GBE1: variants seen among roughly 807,000 people sequenced by gnomAD.
GBE1 encodes the protein 1,4-alpha-glucan-branching enzyme.
A neutral mutation model predicts 88.8 loss-of-function variants in GBE1; 70 were observed. That is an observed-to-expected ratio of 0.79 (90% CI 0.65 to 0.96). GBE1 has a LOEUF of 0.96. Ranked by LOEUF, GBE1 falls within the 40% of genes least tolerant of loss-of-function variation. The pLI is 0.00. For synonymous variants in GBE1, 284 were observed against 300.1 expected (o/e 0.95, Z 0.56); for missense variants, 872 against 871.0 (o/e 1.00, Z -0.01).
At chr3:81,761,116 C>A (rs1053661716) in intron 1 of GBE1, among the ~76,000 whole-genome samples, 1 of 152,220 alleles carries the variant, frequency 6.6e-6, no homozygotes, top group Non-Finnish European at 1.5e-5. Flanking sequence ...GGCGCAAGAC[C>A]GCTGATTAGA....
chr3:81,493,812 G>A (rs1702467952), intron 15 of GBE1, among the ~76,000 whole-genome samples: 1 of 150,742 alleles, frequency 6.6e-6, no homozygotes, highest in South Asian at 2.1e-4. Context: ...ACAGGTGTGA[G>A]CCACCACACC....
chr3:81,540,450 G>T (rs1418046201), intron 12 of GBE1, among the ~76,000 whole-genome samples: 3 of 151,976 alleles, frequency 2.0e-5, no homozygotes, highest in Admixed American at 6.6e-5. Context: ...ACTTATAAGT[G>T]ATGTGAATAT....
At chr3:81,638,110 G>A (rs1319775066) in intron 7 of GBE1, among the ~76,000 whole-genome samples, 2 of 151,996 alleles carry the variant, frequency 1.3e-5, no homozygotes, top group African/African-American at 4.8e-5. Flanking sequence ...ATTATATATA[G>A]TGTCTATCCT....
rs777991801 is a variant in GBE1 at position 81,535,343 on chromosome 3, C to T, written c.1804-18G>A. The T allele has an allele frequency of 6.3e-7, 1 of 1,586,150 alleles. No homozygotes were observed. Among genetic ancestry groups the T allele is most frequent in the Non-Finnish European group, 8.5e-7 (1 of 1,170,128 alleles). On this transcript the variant is annotated intron_variant, in intron 13 of 15. Transcript: ENST00000429644. ...ACGTAGGCCTGCAAGAATTAGCACA[C>T]ATGTTACATTTAAATAATACCTAGA...
intron 1 of GBE1, among the ~76,000 whole-genome samples, chr3:81,721,212 T>TAA (rs1706024567): frequency 1.7e-3 from 123 of 73,020 alleles, no homozygotes; most frequent in African/African-American, 4.3e-3. Flanking sequence ...AAAAAATAAA[T>TAA]AAATAAATAA....
intron 3 of GBE1, among the ~76,000 whole-genome samples, chr3:81,669,904 T>A (rs1011848552): frequency 2.6e-5 from 4 of 152,282 alleles, no homozygotes; most frequent in Non-Finnish European, 5.9e-5. Flanking sequence ...AAAATATTTT[T>A]AACAACCTAC....
At chr3:81,754,879 G>T (rs544549060) in intron 1 of GBE1, among the ~76,000 whole-genome samples, 1 of 152,260 alleles carries the variant, frequency 6.6e-6, no homozygotes, top group South Asian at 2.1e-4. Flanking sequence ...AATTGTAGCA[G>T]AAAACACTGG....
chr3:81,553,024 C>A (rs770906928), intron 12 of GBE1, among the ~76,000 whole-genome samples: 1 of 152,102 alleles, frequency 6.6e-6, no homozygotes, highest in Non-Finnish European at 1.5e-5. Context: ...GATGTCTCTG[C>A]GTACTTTTCA....
At chr3:81,603,894 A>C (rs768951309) in intron 7 of GBE1, among the ~76,000 whole-genome samples, 11 of 152,226 alleles carry the variant, frequency 7.2e-5, no homozygotes, top group Non-Finnish European at 1.3e-4. Flanking sequence ...TTCTACTAGA[A>C]TACAGACACA....
chr3:81,503,548 T>C (rs1702616750), intron 14 of GBE1, among the ~76,000 whole-genome samples: 1 of 152,132 alleles, frequency 6.6e-6, no homozygotes, highest in South Asian at 2.1e-4. Flanking sequence ...GGCTAATCTC[T>C]GACTGTGGGA....
At chr3:81,551,829 G>C (rs566645289) in intron 12 of GBE1, among the ~76,000 whole-genome samples, 3 of 152,138 alleles carry the variant, frequency 2.0e-5, no homozygotes, top group African/African-American at 7.2e-5. Flanking sequence ...AGATATTCAG[G>C]GTTCACAGTG....
chr3:81,491,883 A>T (rs1702440744), intron 15 of GBE1, among the ~76,000 whole-genome samples: 1 of 152,242 alleles, frequency 6.6e-6, no homozygotes, highest in South Asian at 2.1e-4. Flanking sequence ...TTAAGGTTCC[A>T]CAATAAAGAA....
At chr3:81,524,318 T>C (rs1306075842) in intron 14 of GBE1, among the ~76,000 whole-genome samples, 1 of 151,894 alleles carries the variant, frequency 6.6e-6, no homozygotes, top group African/African-American at 2.4e-5. Flanking sequence ...TCAGATCTTC[T>C]GCCCATTTTT....
At chr3:81,674,942 T>A (rs902759199) in intron 2 of GBE1, among the ~76,000 whole-genome samples, 8 of 151,984 alleles carry the variant, frequency 5.3e-5, no homozygotes, top group Non-Finnish European at 1.2e-4. Flanking sequence ...ACTAGAAAGG[T>A]CTCTATCTAG....
intron 12 of GBE1, among the ~76,000 whole-genome samples, chr3:81,568,279 CT>C (rs1453295717): frequency 2.0e-5 from 3 of 152,046 alleles, no homozygotes; most frequent in African/African-American, 7.2e-5. Context: ...TCCCAAGTAG[CT>C]GAGACTACAG....
intron 1 of GBE1, among the ~76,000 whole-genome samples, chr3:81,720,413 C>T (rs1232622461): frequency 2.0e-5 from 3 of 150,788 alleles, no homozygotes; most frequent in Non-Finnish European, 4.4e-5. Flanking sequence ...ATTTTACAGC[C>T]AATAACCTAA....
chr3:81,706,567 T>A (rs1466073571), intron 1 of GBE1, among the ~76,000 whole-genome samples: 1 of 151,980 alleles, frequency 6.6e-6, no homozygotes, highest in Non-Finnish European at 1.5e-5. Context: ...TCTCTACACC[T>A]CCCCATACCC....
At chr3:81,577,833 T>C (rs1016683012) in intron 12 of GBE1, 92 bp downstream of exon 12, 17 of 1,063,028 alleles carry the variant, frequency 1.6e-5, no homozygotes, top group Non-Finnish European at 2.1e-5. Flanking sequence ...ATTCTAAATC[T>C]GAAAAGCCAA....
At chr3:81,515,466 A>C (rs573145782) in intron 14 of GBE1, among the ~76,000 whole-genome samples, 1 of 151,514 alleles carries the variant, frequency 6.6e-6, no homozygotes, top group Non-Finnish European at 1.5e-5. Context: ...CCTCCAACCT[A>C]CTGGCCGTTC....
Sources: allele counts gnomAD v4.1 joint callset (sites outside exome capture counted in the v4.1 genomes callset), GRCh38; gene constraint gnomAD v4.1.1; transcripts MANE v1.5; gene names NCBI Gene and HGNC (gene_info 2026-07-23, HGNC 2026-07-21).